TSHZ2: variants seen among roughly 807,000 people sequenced by gnomAD.
The protein encoded by TSHZ2 is teashirt zinc finger homeobox 2, also known as teashirt homolog 2.
A neutral mutation model predicts 74.4 loss-of-function variants in TSHZ2; 21 were observed. That is an observed-to-expected ratio of 0.28 (90% CI 0.20 to 0.41). The LOEUF (loss-of-function observed/expected upper bound fraction) is 0.41. Ranked by LOEUF, TSHZ2 falls within the 10% of genes least tolerant of loss-of-function variation. The pLI, the probability that TSHZ2 is intolerant of heterozygous loss-of-function variation, is 1.00. For synonymous variants in TSHZ2, 540 were observed against 515.3 expected (o/e 1.05, Z -0.65); for missense variants, 1,244 against 1,293.5 (o/e 0.96, Z 0.59).
At chr20:53,047,391 T>C (rs1984265860) in intron 1 of TSHZ2, among the ~76,000 whole-genome samples, 1 of 152,226 alleles carries the variant, frequency 6.6e-6, no homozygotes, top group African/African-American at 2.4e-5. Flanking sequence ...TTCCTTCTGA[T>C]GGTCCAAGAT....
At chr20:53,470,094 C>T (rs1161779495) in intron 2 of TSHZ2, among the ~76,000 whole-genome samples, 1 of 152,192 alleles carries the variant, frequency 6.6e-6, no homozygotes, top group Non-Finnish European at 1.5e-5. Flanking sequence ...TTGTGACCTC[C>T]CTTTCCGACA....
At chr20:53,460,368 G>C (rs1487018101) in intron 2 of TSHZ2, among the ~76,000 whole-genome samples, 1 of 151,828 alleles carries the variant, frequency 6.6e-6, no homozygotes, top group Non-Finnish European at 1.5e-5. Context: ...CATTCTTCAC[G>C]TAGTTCTCCA....
At chr20:53,315,834 G>T (rs147798309) in intron 2 of TSHZ2, among the ~76,000 whole-genome samples, 2 of 152,204 alleles carry the variant, frequency 1.3e-5, no homozygotes, top group Non-Finnish European at 2.9e-5. Flanking sequence ...AAGGGTAGAA[G>T]CTAGATTTTA....
chr20:53,037,586 T>C (rs1415409698), intron 1 of TSHZ2, among the ~76,000 whole-genome samples: 1 of 152,244 alleles, frequency 6.6e-6, no homozygotes, highest in African/African-American at 2.4e-5. Flanking sequence ...GGGCTGTTGA[T>C]CAGACCTATT....
chr20:53,471,963 G>A (rs530288444), intron 2 of TSHZ2, among the ~76,000 whole-genome samples: 21 of 151,814 alleles, frequency 1.4e-4, no homozygotes, highest in South Asian at 6.3e-4. Context: ...GTGCCACCAC[G>A]CCCAGCTAAT....
At chr20:53,119,459 C>T (rs1039828563) in intron 1 of TSHZ2, among the ~76,000 whole-genome samples, 7 of 152,170 alleles carry the variant, frequency 4.6e-5, no homozygotes, top group African/African-American at 1.7e-4. Flanking sequence ...TTCATGGAAG[C>T]TCAGAGCCCT....
chr20:53,124,898 T>C (rs938529303), intron 1 of TSHZ2, among the ~76,000 whole-genome samples: 2 of 152,136 alleles, frequency 1.3e-5, no homozygotes, highest in African/African-American at 4.8e-5. Context: ...AAATAGTAAA[T>C]ATTTTAGGCT....
intron 1 of TSHZ2, among the ~76,000 whole-genome samples, chr20:53,181,293 A>C (rs1436775733): frequency 3.9e-5 from 6 of 152,206 alleles, no homozygotes; most frequent in Admixed American, 3.9e-4. Flanking sequence ...CCGCAGGGAA[A>C]GGACCATGTT....
intron 1 of TSHZ2, among the ~76,000 whole-genome samples, chr20:53,247,672 A>G (rs1418391527): frequency 6.6e-6 from 1 of 152,106 alleles, no homozygotes; most frequent in Non-Finnish European, 1.5e-5. Context: ...CGATCTCCTC[A>G]TTTACGTCTG....
intron 1 of TSHZ2, among the ~76,000 whole-genome samples, chr20:53,212,562 TATA>T (rs1382851146): frequency 6.6e-6 from 1 of 152,210 alleles, no homozygotes; most frequent in Non-Finnish European, 1.5e-5. Flanking sequence ...ATATCGTTTA[TATA>T]ATAATCAGGA....
At chr20:53,119,203 A>G (rs1010408430) in intron 1 of TSHZ2, among the ~76,000 whole-genome samples, 1 of 152,056 alleles carries the variant, frequency 6.6e-6, no homozygotes, top group East Asian at 1.9e-4. Flanking sequence ...CTGCACATAG[A>G]TTCTCCCTCT....
chr20:53,202,955 T>C (rs1568810010), intron 1 of TSHZ2, among the ~76,000 whole-genome samples: 1 of 152,184 alleles, frequency 6.6e-6, no homozygotes, highest in African/African-American at 2.4e-5. Context: ...ACCATGGCTA[T>C]GTACAAAGCC....
chr20:53,316,440 T>A (rs920161654), intron 2 of TSHZ2, among the ~76,000 whole-genome samples: 1 of 152,134 alleles, frequency 6.6e-6, no homozygotes, highest in African/African-American at 2.4e-5. Context: ...GAAAAGGCCC[T>A]GAAATGCAGG....
intron 1 of TSHZ2, among the ~76,000 whole-genome samples, chr20:53,155,935 C>G (rs59862254): frequency 0.2 from 30,892 of 152,048 alleles, 3,392 homozygotes; most frequent in East Asian, 0.42. Context: ...TTTTTTAAAA[C>G]TTTAATTAGG....
intron 1 of TSHZ2, among the ~76,000 whole-genome samples, chr20:53,129,044 C>T (rs1237479607): frequency 1.3e-5 from 2 of 152,072 alleles, no homozygotes; most frequent in Non-Finnish European, 2.9e-5. Flanking sequence ...ACTTACATAT[C>T]TAGCAATCTA....
At chr20:53,127,040 G>A (rs542751506) in intron 1 of TSHZ2, among the ~76,000 whole-genome samples, 3 of 152,168 alleles carry the variant, frequency 2.0e-5, no homozygotes, top group African/African-American at 4.8e-5. Context: ...AGAAGAGGAA[G>A]AGAAAAAGAA....
chr20:53,163,360 CTTTTTTTTTTTTTTT>C (rs55685519), intron 1 of TSHZ2, among the ~76,000 whole-genome samples: 1 of 65,634 alleles, frequency 1.5e-5, no homozygotes, highest in African/African-American at 5.5e-5. Context: ...CTCTCTGTCT[CTTTTTTTTTTTTTTT>C]TTTTTTTTTT....
chr20:53,298,912 T>C (rs563821506), intron 2 of TSHZ2, among the ~76,000 whole-genome samples: 1 of 152,310 alleles, frequency 6.6e-6, no homozygotes, highest in East Asian at 1.9e-4. Context: ...AGTGCTCTGG[T>C]AAAATATGAA....
chr20:53,349,279 T>G (rs1411289978), intron 2 of TSHZ2, among the ~76,000 whole-genome samples: 2 of 152,230 alleles, frequency 1.3e-5, no homozygotes, highest in Non-Finnish European at 2.9e-5. Context: ...AAGCCAAGCA[T>G]TAGAAACAAT....
Sources: gnomAD v4.1 joint callset for allele counts (sites outside exome capture counted in the v4.1 genomes callset) on GRCh38, gnomAD v4.1.1 for gene constraint, MANE v1.5 for transcripts, NCBI Gene and HGNC (gene_info 2026-07-23, HGNC 2026-07-21) for gene names.